CNOT6L: variants seen among roughly 807,000 people sequenced by gnomAD.
CNOT6L encodes the protein CCR4-NOT transcription complex subunit 6 like.
A neutral mutation model predicts 64.0 loss-of-function variants in CNOT6L; 7 were observed. The ratio of observed to expected loss-of-function variants is 0.11; its 90% confidence interval spans 0.06 to 0.21. The LOEUF (loss-of-function observed/expected upper bound fraction) is 0.21. Among genes scored for constraint, CNOT6L ranks in the 10% least tolerant of loss-of-function variants. CNOT6L has a pLI of 1.00. For synonymous variants in CNOT6L, 193 were observed against 243.4 expected, an observed-to-expected ratio of 0.79 and a Z score of 1.93; for missense variants, 245 against 669.0, an observed-to-expected ratio of 0.37 and a Z score of 6.99.
chr4:77,813,638 A>G (rs1241172771), intron 1 of CNOT6L, among the ~76,000 whole-genome samples: 1 of 152,218 alleles, frequency 6.6e-6, no homozygotes, highest in Non-Finnish European at 1.5e-5. Flanking sequence ...GAGGATATAC[A>G]AATGTCCAAC....
chr4:77,756,605 T>A (rs1725600617), intron 5 of CNOT6L, among the ~76,000 whole-genome samples: 2 of 152,234 alleles, frequency 1.3e-5, no homozygotes, highest in South Asian at 4.1e-4. Context: ...TTTGCATCTC[T>A]AAACTGTGAG....
chr4:77,776,811 C>A (rs965897770), intron 1 of CNOT6L, among the ~76,000 whole-genome samples: 20 of 152,228 alleles, frequency 1.3e-4, no homozygotes, highest in Non-Finnish European at 2.9e-4. Flanking sequence ...TGACATTCCC[C>A]TTGCAGAGAT....
At position 77,787,634 on chromosome 4, in the gene CNOT6L, CT is replaced by C. The variant is rs1729602554; in HGVS notation, c.6-11243del. 3.3e-5 allele frequency among the ~76,000 whole-genome samples: 5 copies of C among 152,272 alleles called. No homozygotes were observed. In the South Asian group the frequency reaches 1.0e-3, roughly 32 times the overall value. On this transcript the variant is annotated intron_variant, in intron 1 of 11. Transcript: ENST00000504123. The stretch of plus-strand genomic sequence containing the variant: ...CAAATCTAAAATGTGTACTCAAACT[CT>C]TCCTTGAAACTCAGAGAATCCACTT...
intron 1 of CNOT6L, among the ~76,000 whole-genome samples, chr4:77,800,151 T>G (rs544712861): frequency 1.3e-5 from 2 of 152,286 alleles, no homozygotes; most frequent in Admixed American, 1.3e-4. Flanking sequence ...ATGAATCCTT[T>G]TCATAAAGCT....
chr4:77,740,574 T>C (rs962410328), intron 8 of CNOT6L, among the ~76,000 whole-genome samples: 3 of 152,210 alleles, frequency 2.0e-5, no homozygotes, highest in Non-Finnish European at 4.4e-5. Flanking sequence ...TTTCCTCATC[T>C]TTAAAAACAA....
chr4:77,756,190 C>T (rs1174076235), intron 5 of CNOT6L, among the ~76,000 whole-genome samples: 1 of 152,114 alleles, frequency 6.6e-6, no homozygotes, highest in Non-Finnish European at 1.5e-5. Context: ...CATGGTTTCA[C>T]CATGTTGGCC....
intron 7 of CNOT6L, 108 bp from the exon 8 acceptor site, chr4:77,742,403 C>T (rs752330021): frequency 7.8e-6 from 8 of 1,021,744 alleles, no homozygotes. Flanking sequence ...AAATAATTCA[C>T]ATAGCAAATA....
At position 77,776,307 on chromosome 4, in the gene CNOT6L, C is replaced by T. The variant is rs1217493788; in HGVS notation, c.91G>A (p.Gly31Arg). Residue 31 changes from glycine to arginine, a missense_variant, in exon 2 of 12, where the codon GGG becomes AGG. By Grantham distance (125) the Gly-to-Arg change is moderately radical (BLOSUM62 -2). Transcript: ENST00000504123. The part of the protein sequence containing the change: ...TIMSAEEVAN[G>R]KKSHWAELEI... ...AATTCTGCCCAGTGAGATTTTTTCC[C>T]ATTGGCTACCTCCTCTGCTGACATG... 6.2e-7 allele frequency: 1 copy of T among 1,611,360 alleles called. No individual in the cohort carries two copies. Among genetic ancestry groups the T allele is most frequent in the Non-Finnish European group, 8.5e-7 (1 of 1,179,440 alleles).
At chr4:77,748,165 T>C (rs1382206143) in intron 6 of CNOT6L, 151 bp downstream of exon 6, 8 of 656,560 alleles carry the variant, frequency 1.2e-5, no homozygotes, top group Non-Finnish European at 2.1e-5. Context: ...TCTATCTTAA[T>C]GTGGACTTTT....
rs373726339 is a variant in CNOT6L, at chr4:77,761,732, T to C, written c.401-4781A>G. Reference sequence around the variant, plus strand: ...AGAACAAGGTAAGGATGTGCACCATTGTCACTTCTATTCAATATAGTACTA... The same window carrying C: ...AGAACAAGGTAAGGATGTGCACCATCGTCACTTCTATTCAATATAGTACTA... On this transcript the variant is annotated intron_variant, in intron 4 of 11. Transcript: ENST00000504123. 2.8e-3 allele frequency among the ~76,000 whole-genome samples: 429 copies of C among 152,284 alleles called. 1 individual carries two copies. The highest frequency in any genetic ancestry group is 9.0e-3 in the African/African-American group (373 of 41,568).
intron 2 of CNOT6L, among the ~76,000 whole-genome samples, chr4:77,774,930 T>C (rs1321894134): frequency 1.3e-5 from 2 of 152,216 alleles, no homozygotes; most frequent in Non-Finnish European, 2.9e-5. Flanking sequence ...CCACTCTTTC[T>C]CAAGAACCTT....
rs1295905274 is a variant in CNOT6L, at chr4:77,742,109, GTA to G, written c.872+30_872+31del. 6 of 1,586,432 alleles carry G rather than the reference GTA, an allele frequency of 3.8e-6. No homozygotes were observed. The East Asian group carries it at 9.0e-5, about 24-fold the overall frequency. ...AGTGTAAGCATTTAAATAAATAAAA[GTA>G]CACCATTGTGCTTTGTTTCCTTAAC... On this transcript the variant is annotated intron_variant, in intron 8 of 11. Transcript: ENST00000504123.
At chr4:77,815,605 A>C (rs1461263958) in intron 1 of CNOT6L, among the ~76,000 whole-genome samples, 1 of 152,196 alleles carries the variant, frequency 6.6e-6, no homozygotes, top group Non-Finnish European at 1.5e-5. Flanking sequence ...TGTAGCAGAG[A>C]TGGCCAAGCT....
intron 1 of CNOT6L, among the ~76,000 whole-genome samples, chr4:77,783,845 T>C (rs1729153225): frequency 6.6e-6 from 1 of 151,184 alleles, no homozygotes; most frequent in Non-Finnish European, 1.5e-5. Flanking sequence ...ATATGTTTTA[T>C]TTCTAGTCAG....
intron 1 of CNOT6L, 23 bp from the exon 2 acceptor site, chr4:77,776,415 A>G: frequency 1.3e-6 from 2 of 1,484,394 alleles, no homozygotes; most frequent in Non-Finnish European, 1.8e-6. Context: ...AAAAAGGAGG[A>G]GATCAATAAT....
At chr4:77,765,836 A>G (rs910984345) in intron 4 of CNOT6L, among the ~76,000 whole-genome samples, 4 of 152,212 alleles carry the variant, frequency 2.6e-5, no homozygotes, top group Admixed American at 1.3e-4. Context: ...ACCCTGGGGA[A>G]GCAAGACTAG....
At chr4:77,815,116 T>C (rs781738772) in intron 1 of CNOT6L, among the ~76,000 whole-genome samples, 2 of 152,196 alleles carry the variant, frequency 1.3e-5, no homozygotes, top group Admixed American at 6.5e-5. Context: ...AAGTATAAAG[T>C]AATCTTCATC....
intron 4 of CNOT6L, among the ~76,000 whole-genome samples, chr4:77,759,164 T>C (rs191791880): frequency 4.4e-4 from 67 of 152,018 alleles, no homozygotes; most frequent in Non-Finnish European, 8.7e-4. Context: ...TTTAAATAAA[T>C]AAACTGATAC....
At chr4:77,769,848 C>G (rs556701335) in intron 4 of CNOT6L, among the ~76,000 whole-genome samples, 1 of 152,008 alleles carries the variant, frequency 6.6e-6, no homozygotes, top group African/African-American at 2.4e-5. Context: ...TAGTGAGGTC[C>G]TACATATTTT....
Sources: gnomAD v4.1 joint callset for allele counts (sites outside exome capture counted in the v4.1 genomes callset) on GRCh38, gnomAD v4.1.1 for gene constraint, MANE v1.5 for transcripts, NCBI Gene and HGNC (gene_info 2026-07-23, HGNC 2026-07-21) for gene names.